Variants in KDM7A observed in about 807,000 individuals in gnomAD.
KDM7A encodes lysine demethylase 7A, also known as lysine-specific demethylase 7A.
KDM7A carries 28 observed loss-of-function variants against 114.8 expected under a neutral mutation model. The observed-to-expected ratio is 0.24, with a 90% confidence interval of 0.18 to 0.33. The LOEUF (loss-of-function observed/expected upper bound fraction) is 0.33. Ranked by LOEUF, KDM7A falls within the 10% of genes least tolerant of loss-of-function variation. The probability of loss-of-function intolerance (pLI) is 1.00; values close to 1 mark genes in which losing one functional copy is unlikely to be tolerated. For missense variants in KDM7A, 942 were observed against 1,142.5 expected (o/e 0.82, Z 2.53); for synonymous variants, 423 against 397.8 (o/e 1.06, Z -0.75).
At chr7:140,146,513 C>T (rs1794341794) in intron 1 of KDM7A, among the ~76,000 whole-genome samples, 1 of 152,218 alleles carries the variant, frequency 6.6e-6, no homozygotes, top group Admixed American at 6.5e-5. Flanking sequence ...CTAAGGATCA[C>T]TTTCAAACCT....
chr7:140,173,056 G>A (rs1327042253), intron 1 of KDM7A, among the ~76,000 whole-genome samples: 2 of 152,048 alleles, frequency 1.3e-5, no homozygotes, highest in African/African-American at 4.8e-5. Context: ...AATTCAATTA[G>A]GGCAGTGAGG....
At chr7:140,098,749 CA>C in intron 14 of KDM7A, 129 bp downstream of exon 14, 1 of 756,596 alleles carries the variant, frequency 1.3e-6, no homozygotes, top group East Asian at 2.7e-5. Flanking sequence ...TCAGATTTTT[CA>C]AGACAGTTTT....
intron 1 of KDM7A, among the ~76,000 whole-genome samples, chr7:140,142,392 C>A (rs1794293920): frequency 6.7e-6 from 1 of 149,900 alleles, no homozygotes; most frequent in African/African-American, 2.4e-5. Context: ...GAATTATACC[C>A]AGAATATACT....
intron 1 of KDM7A, among the ~76,000 whole-genome samples, chr7:140,164,399 TG>T: frequency 1.3e-5 from 2 of 152,318 alleles, no homozygotes; most frequent in South Asian, 4.1e-4. Context: ...GTAGCATCCC[TG>T]CCCTCTACCT....
At chr7:140,102,308 C>G in intron 11 of KDM7A, 148 bp from the exon 12 acceptor site, 1 of 636,412 alleles carries the variant, frequency 1.6e-6, no homozygotes, top group East Asian at 2.7e-5. Context: ...AAGCTTCAAA[C>G]AGCTTTGCTG....
At chr7:140,127,668 T>C (rs1017399347) in intron 4 of KDM7A, 85 bp from the exon 5 acceptor site, 11 of 1,158,834 alleles carry the variant, frequency 9.5e-6, no homozygotes, top group African/African-American at 1.5e-5. Context: ...TAACTTGGTA[T>C]GATAATTAAA....
At chr7:140,166,763 T>A (rs1240269092) in intron 1 of KDM7A, among the ~76,000 whole-genome samples, 1 of 152,170 alleles carries the variant, frequency 6.6e-6, no homozygotes. Flanking sequence ...ACTATTCAAC[T>A]CTATACGAGA....
At chr7:140,175,000 G>A (rs1016434998) in intron 1 of KDM7A, among the ~76,000 whole-genome samples, 5 of 152,244 alleles carry the variant, frequency 3.3e-5, no homozygotes, top group South Asian at 4.2e-4. Flanking sequence ...AATCACCAGG[G>A]ATTCTGATTT....
At chr7:140,129,467 G>C (rs1818753368) in intron 4 of KDM7A, 26 bp downstream of exon 4, 1 of 1,574,724 alleles carries the variant, frequency 6.4e-7, no homozygotes, top group Non-Finnish European at 8.7e-7. Flanking sequence ...TGTTTTCCCA[G>C]GTACTTAAAG....
chr7:140,111,335 T>C (rs1391549728), intron 10 of KDM7A, 151 bp from the exon 11 acceptor site: 1 of 577,836 alleles, frequency 1.7e-6, no homozygotes, highest in Non-Finnish European at 3.1e-6. Flanking sequence ...GTGTAGCTAG[T>C]ATAATGCCTT....
chr7:140,157,042 C>T (rs1423874828), intron 1 of KDM7A, among the ~76,000 whole-genome samples: 1 of 152,110 alleles, frequency 6.6e-6, no homozygotes, highest in Non-Finnish European at 1.5e-5. Flanking sequence ...TAAATAGTTA[C>T]AGGTAAATAG....
chr7:140,113,204 G>C (rs367667014), intron 10 of KDM7A, among the ~76,000 whole-genome samples: 1 of 152,172 alleles, frequency 6.6e-6, no homozygotes, highest in Non-Finnish European at 1.5e-5. Context: ...TAGCACAACT[G>C]TAAGAGCTCA....
intron 12 of KDM7A, 97 bp from the exon 13 acceptor site, chr7:140,100,120 G>A (rs530112438): frequency 2.3e-6 from 3 of 1,313,642 alleles, no homozygotes; most frequent in Non-Finnish European, 3.2e-6. Flanking sequence ...CCATGGTCCT[G>A]CATCTCAAAG....
intron 1 of KDM7A, among the ~76,000 whole-genome samples, chr7:140,152,841 T>C (rs144704217): frequency 2.1e-3 from 314 of 152,280 alleles, no homozygotes; most frequent in African/African-American, 7.0e-3. Context: ...TTTGTCATTA[T>C]AGGTTCCTCA....
chr7:140,175,032 G>A (rs1794686624), intron 1 of KDM7A, among the ~76,000 whole-genome samples: 5 of 152,152 alleles, frequency 3.3e-5, no homozygotes, highest in Admixed American at 3.3e-4. Flanking sequence ...GAACCTAAAT[G>A]TTCGGATAAT....
rs1184929222 is a variant in KDM7A at position 140,114,940 on chromosome 7, G to A, written c.1247-1358C>T. On this transcript the variant is annotated intron_variant, in intron 9 of 19. Transcript: ENST00000397560. ...TGAGGAGCCCCTCCGCCCGGAAGCC[G>A]CCCCTTCTGATAACTGAGGAGCCCC... 7.4e-5 allele frequency among the ~76,000 whole-genome samples: 11 copies of A among 148,134 alleles called. No individual in the cohort carries two copies. In the East Asian group the frequency reaches 2.0e-3, roughly 27 times the overall value.
At chr7:140,153,498 A>AG (rs1288032759) in intron 1 of KDM7A, among the ~76,000 whole-genome samples, 1 of 151,994 alleles carries the variant, frequency 6.6e-6, no homozygotes, top group Non-Finnish European at 1.5e-5. Context: ...AAAGAAAAAA[A>AG]AAAAAAAGTA....
At chr7:140,093,184 T>C (rs1404081652) in intron 18 of KDM7A, among the ~76,000 whole-genome samples, 7 of 152,218 alleles carry the variant, frequency 4.6e-5, no homozygotes, top group Admixed American at 4.6e-4. Flanking sequence ...CTCCAGGGAT[T>C]TTAATCCATT....
At position 140,090,982 on chromosome 7, in the gene KDM7A, G is replaced by C; in HGVS notation, c.*112C>G. Reference sequence around the variant, plus strand: ...TCAGGTTCATTCTGTTCTTCGGGCAGTGTTCTTACTATACACACAAACTGC... The same window carrying C: ...TCAGGTTCATTCTGTTCTTCGGGCACTGTTCTTACTATACACACAAACTGC... On this transcript the variant is annotated 3_prime_UTR_variant, in exon 20 of 20. Coordinates refer to ENST00000397560, the MANE Select transcript of KDM7A (RefSeq NM_030647.2). 1 of 736,630 alleles carries C rather than the reference G, an allele frequency of 1.4e-6. No individual in the cohort carries two copies. The highest frequency in any genetic ancestry group is 2.2e-5 in the Admixed American group (1 of 46,010). 45.6% of individuals were successfully genotyped at this position (736,630 alleles called of 1,614,324 possible).
Sources: gnomAD v4.1 joint callset for allele counts (sites outside exome capture counted in the v4.1 genomes callset) on GRCh38, gnomAD v4.1.1 for gene constraint, MANE v1.5 for transcripts, NCBI Gene and HGNC (gene_info 2026-07-23, HGNC 2026-07-21) for gene names.